Variants in UBE2H observed in about 807,000 individuals in gnomAD.
UBE2H encodes ubiquitin-conjugating enzyme E2 H.
In UBE2H, 3 loss-of-function variants were observed where a neutral mutation model predicts 29.0. The ratio of observed to expected loss-of-function variants is 0.10; its 90% CI spans 0.05 to 0.27. UBE2H has a LOEUF of 0.27. Among genes scored for constraint, UBE2H ranks in the 10% least tolerant of loss-of-function variants. The pLI, the probability that UBE2H is intolerant of heterozygous loss-of-function variation, is 1.00. For synonymous variants in UBE2H, 69 were observed against 82.9 expected (o/e 0.83, Z 0.91); for missense variants, 68 against 228.2 (o/e 0.30, Z 4.52).
intron 1 of UBE2H, among the ~76,000 whole-genome samples, chr7:129,936,934 C>T (rs183614819): frequency 4.8e-4 from 72 of 151,232 alleles, no homozygotes; most frequent in African/African-American, 1.3e-3. Flanking sequence ...GCCGAGATCA[C>T]GCCACTATAC....
intron 4 of UBE2H, 53 bp downstream of exon 4, chr7:129,858,849 C>A: frequency 3.9e-6 from 6 of 1,526,562 alleles, no homozygotes; most frequent in Non-Finnish European, 5.4e-6. Context: ...CAGAGAAACA[C>A]TAATCATGAG....
At chr7:129,866,298 A>T (rs769334856) in intron 3 of UBE2H, among the ~76,000 whole-genome samples, 2 of 152,200 alleles carry the variant, frequency 1.3e-5, no homozygotes, top group Non-Finnish European at 2.9e-5. Flanking sequence ...AATGGGCTAG[A>T]TGGATAAGAA....
At chr7:129,856,534 AAATGT>A (rs150109079) in intron 5 of UBE2H, among the ~76,000 whole-genome samples, 9,407 of 152,296 alleles carry the variant, frequency 0.062, 361 homozygotes, top group Non-Finnish European at 0.091. Context: ...AGGAGCTATA[AAATGT>A]AATGGTATCC....
chr7:129,859,053 C>A, intron 3 of UBE2H, 112 bp from the exon 4 acceptor site: 1 of 805,246 alleles, frequency 1.2e-6, no homozygotes, highest in Non-Finnish European at 2.0e-6. Flanking sequence ...TTATAAATCA[C>A]TACTTTCAAC....
At chr7:129,935,613 A>C (rs576314755) in intron 1 of UBE2H, among the ~76,000 whole-genome samples, 1 of 152,306 alleles carries the variant, frequency 6.6e-6, no homozygotes, top group African/African-American at 2.4e-5. Flanking sequence ...AATGCCATCT[A>C]ATCTATTGTT....
chr7:129,934,615 G>A (rs1807481066), intron 1 of UBE2H, among the ~76,000 whole-genome samples: 1 of 141,732 alleles, frequency 7.1e-6, no homozygotes, highest in Non-Finnish European at 1.5e-5. Flanking sequence ...TCCAGCCTGG[G>A]CGACAGAGCA....
In UBE2H at chr7:129,891,101, C is replaced by A. The variant is rs560772174; in HGVS notation, c.54-10130G>T. ...CGGTGAGCCGAGATTGTGCCACTGC[C>A]CTCCAGCCTGGGTGACAGAGCAAGA... On this transcript the variant is annotated intron_variant, in intron 1 of 6. Coordinates refer to ENST00000355621, the MANE Select transcript of UBE2H (RefSeq NM_003344.4). Among the ~76,000 whole-genome samples the A allele has an allele frequency of 2.8e-4, 42 of 151,636 alleles. No individual in the cohort carries two copies. In the South Asian group the frequency reaches 4.8e-3, roughly 17 times the overall value.
At chr7:129,891,005 G>A (rs138030911) in intron 1 of UBE2H, among the ~76,000 whole-genome samples, 7,320 of 151,482 alleles carry the variant, frequency 0.048, 198 homozygotes, top group South Asian at 0.13. Context: ...GCGTGGTGGC[G>A]GGCGCTTGTA....
intron 1 of UBE2H, among the ~76,000 whole-genome samples, chr7:129,935,161 A>C (rs1315989690): frequency 6.6e-6 from 1 of 151,882 alleles, no homozygotes; most frequent in African/African-American, 2.4e-5. Flanking sequence ...ATGGTGGCTC[A>C]CATCTGTAAT....
At chr7:129,898,685 G>A (rs1563039202) in intron 1 of UBE2H, among the ~76,000 whole-genome samples, 1 of 152,122 alleles carries the variant, frequency 6.6e-6, no homozygotes, top group Non-Finnish European at 1.5e-5. Context: ...ATAGGCTCAG[G>A]TGCCACCATG....
At chr7:129,897,441 G>C (rs1455687541) in intron 1 of UBE2H, among the ~76,000 whole-genome samples, 1 of 152,180 alleles carries the variant, frequency 6.6e-6, no homozygotes, top group Non-Finnish European at 1.5e-5. Flanking sequence ...ATTAGGCATA[G>C]CAGGTGTCAA....
chr7:129,864,370 T>C (rs1275846683), intron 3 of UBE2H, among the ~76,000 whole-genome samples: 1 of 152,200 alleles, frequency 6.6e-6, no homozygotes. Context: ...TTAATGAATA[T>C]GTCTGCAACA....
At chr7:129,889,591 T>C (rs1221374209) in intron 1 of UBE2H, among the ~76,000 whole-genome samples, 1 of 152,222 alleles carries the variant, frequency 6.6e-6, no homozygotes, top group Non-Finnish European at 1.5e-5. Context: ...CAATATACTA[T>C]GTATTTTACT....
rs77880590 is a variant in UBE2H, at chr7:129,864,250, G to T, written c.206-5309C>A. ...AACAATGGAACTCCTGGACAAGGAG[G>T]GGGGAGACAGAGAAAGAACGGGCCA... On this transcript the variant is annotated intron_variant, in intron 3 of 6. Coordinates refer to ENST00000355621, the MANE Select transcript of UBE2H (RefSeq NM_003344.4). Among the ~76,000 whole-genome samples the T allele has an allele frequency of 8.9e-3, 1,359 of 152,298 alleles. 16 individuals are homozygous for T. Among genetic ancestry groups the T allele is most frequent in the African/African-American group, 0.031 (1,287 of 41,554 alleles).
intron 1 of UBE2H, among the ~76,000 whole-genome samples, chr7:129,909,566 G>T (rs530970151): frequency 1.3e-5 from 2 of 152,220 alleles, no homozygotes; most frequent in Non-Finnish European, 2.9e-5. Context: ...TTCAAAAAGA[G>T]AAAAATGGGC....
At chr7:129,908,046 G>A (rs1806855684) in intron 1 of UBE2H, among the ~76,000 whole-genome samples, 1 of 152,008 alleles carries the variant, frequency 6.6e-6, no homozygotes, top group South Asian at 2.1e-4. Context: ...CCCTCCCCAG[G>A]GTGGTTGTTC....
intron 1 of UBE2H, among the ~76,000 whole-genome samples, chr7:129,912,083 T>C (rs1272543662): frequency 6.6e-6 from 1 of 152,186 alleles, no homozygotes; most frequent in Non-Finnish European, 1.5e-5. Flanking sequence ...GAATTTAAAA[T>C]GTTCCTTCAG....
chr7:129,910,482 T>C (rs1806910603), intron 1 of UBE2H, among the ~76,000 whole-genome samples: 1 of 152,156 alleles, frequency 6.6e-6, no homozygotes, highest in Non-Finnish European at 1.5e-5. Context: ...TACTTCTCTA[T>C]CAAACTGACT....
intron 3 of UBE2H, among the ~76,000 whole-genome samples, chr7:129,873,082 C>T (rs1396649833): frequency 1.3e-5 from 2 of 150,608 alleles, no homozygotes; most frequent in African/African-American, 4.9e-5. Flanking sequence ...TGCCGTGGCG[C>T]GATCTTGGCT....
Sources: gnomAD v4.1 joint callset for allele counts (sites outside exome capture counted in the v4.1 genomes callset) on GRCh38, gnomAD v4.1.1 for gene constraint, MANE v1.5 for transcripts, NCBI Gene and HGNC (gene_info 2026-07-23, HGNC 2026-07-21) for gene names.